MTCH1: variants seen among roughly 807,000 people sequenced by gnomAD.
MTCH1 encodes mitochondrial carrier 1.
MTCH1 carries 23 observed loss-of-function variants against 49.3 expected under a neutral mutation model. That is an observed-to-expected ratio of 0.47 (90% confidence interval 0.34 to 0.66). MTCH1 has a LOEUF of 0.66. MTCH1 is among the 30% of genes least tolerant of loss of function. The pLI is 0.01. For synonymous variants in MTCH1, 229 were observed against 215.2 expected, an observed-to-expected ratio of 1.06 and a Z score of -0.56; for missense variants, 397 against 532.1, an observed-to-expected ratio of 0.75 and a Z score of 2.50.
intron 2 of MTCH1, 139 bp downstream of exon 2, chr6:36,981,449 C>T (rs772018317): frequency 3.1e-5 from 23 of 730,558 alleles, no homozygotes; most frequent in South Asian, 5.5e-5. Context: ...TCTCTGTACA[C>T]GCTTAGATCC....
chr6:36,977,569 C>T lies in MTCH1; in HGVS notation c.649+65G>A, dbSNP rs1583259225. The T allele has an allele frequency of 1.1e-5, 13 of 1,145,058 alleles. No individual in the cohort carries two copies. Among genetic ancestry groups the T allele is most frequent in the East Asian group, 7.6e-5 (3 of 39,656 alleles). The allele number at this position is 1,145,058 out of a possible 1,614,324, so 70.9% of individuals were successfully genotyped here. On this transcript the variant is annotated intron_variant, in intron 5 of 11. Transcript: ENST00000373627. This position sits in a 1 kb window ranked among gnomAD's most constrained non-coding sequence, Gnocchi z 5.4. ...TGTCTATGTACAGTCCACGAGGGGG[C>T]GCCCCTCACCCCACGCCCCCGACGC...
chr6:36,977,977 G>A lies in MTCH1; in HGVS notation c.591+101C>T. ...ACCATCCCACCCATGCATACACAAG[G>A]ACCCAACTCTTCGACTTGTCAATGA... On this transcript the variant is annotated intron_variant, in intron 4 of 11. Transcript: ENST00000373627. The surrounding 1 kb of genome is among the most constrained non-coding windows in gnomAD (Gnocchi z 5.4). The A allele has an allele frequency of 9.3e-7, 1 of 1,078,800 alleles. No homozygotes were observed. The highest frequency in any genetic ancestry group is 1.4e-6 in the Non-Finnish European group (1 of 699,390). 66.8% of individuals were successfully genotyped at this position (1,078,800 alleles called of 1,614,324 possible).
chr6:36,978,875 C>CTTTTTTTT (rs11322816), intron 2 of MTCH1, among the ~76,000 whole-genome samples: 11 of 100,420 alleles, frequency 1.1e-4, no homozygotes, highest in Admixed American at 1.2e-4. Context: ...TCCCTCCCTC[C>CTTTTTTTT]TTTTTTTTTT....
intron 2 of MTCH1, among the ~76,000 whole-genome samples, chr6:36,981,359 G>GGCTGGCA (rs1005359347): frequency 3.5e-4 from 54 of 152,244 alleles, no homozygotes; most frequent in African/African-American, 1.3e-3. Context: ...CTGCTGTCTG[G>GGCTGGCA]GCTGGCAGCT....
upstream of MTCH1, chr6:36,986,323 C>G (rs1238612593): frequency 1.4e-6 from 1 of 722,060 alleles, no homozygotes; most frequent in African/African-American, 1.9e-5. Context: ...TGTGGCTCCC[C>G]GGCCGGTTGG....
In MTCH1 at chr6:36,982,332, T is replaced by C. The variant is rs902322911; in HGVS notation, c.322-660A>G. On this transcript the variant is annotated intron_variant, in intron 1 of 11. Coordinates refer to ENST00000373627, the MANE Select transcript of MTCH1 (RefSeq NM_001271641.2). The surrounding 1 kb of genome is among the most constrained non-coding windows in gnomAD (Gnocchi z 4.1). ...CGACCCCCTCATTTCTGTAGGGCTA[T>C]GATAGTTCTTGCTGTACAGATGCTT... Among the ~76,000 whole-genome samples, 15 of 152,202 alleles carry C rather than the reference T, an allele frequency of 9.9e-5. No individual in the cohort carries two copies. The highest frequency in any genetic ancestry group is 7.3e-5 in the Non-Finnish European group (5 of 68,034).
chr6:36,982,746 C>G lies in MTCH1; in HGVS notation c.322-1074G>C, dbSNP rs1485202322. 6.6e-6 allele frequency among the ~76,000 whole-genome samples: 1 copy of G among 152,192 alleles called. No homozygotes were observed. The highest frequency in any genetic ancestry group is 6.5e-5 in the Admixed American group (1 of 15,282). On this transcript the variant is annotated intron_variant, in intron 1 of 11. Transcript: ENST00000373627. The surrounding 1 kb of genome is among the most constrained non-coding windows in gnomAD (Gnocchi z 4.1). Reference sequence around the variant, plus strand: ...GGACCATCCATATCCATGTGAGGAGCAGGAAGTCTCTGTCGAGGGGTGAGA... The same window carrying G: ...GGACCATCCATATCCATGTGAGGAGGAGGAAGTCTCTGTCGAGGGGTGAGA...
Position 36,986,033 on chromosome 6 carries a change from G to C in MTCH1, c.141C>G (p.His47Gln). ...EARARDPPPAHRAHPRHPRPA... is the reference protein window; with the variant it reads ...EARARDPPPAQRAHPRHPRPA... ...GCCGAGGGTGGCGAGGATGTGCGCG[G>C]TGCGCGGGCGGTGGATCGCGAGCTC... The change falls in exon 1 of 12, where the codon CAC (histidine) becomes CAG (glutamine). Residue 47 changes from histidine (H) to glutamine (Q), a missense_variant. This residue lies in a region of MTCH1 where 145 missense variants were observed against 143.8 expected (regional missense o/e 1.01). Coordinates refer to ENST00000373627, the MANE Select transcript of MTCH1 (RefSeq NM_001271641.2). 1 of 1,496,966 alleles carries C rather than the reference G, an allele frequency of 6.7e-7. No individual in the cohort carries two copies. The highest frequency in any genetic ancestry group is 2.9e-5 in the East Asian group (1 of 34,870). The allele number at this position is 1,496,966 out of a possible 1,614,324, so 92.7% of individuals were successfully genotyped here. A position where few individuals can be genotyped will look rare whatever the true frequency, so the allele number is the denominator to read the frequency against.
chr6:36,970,191 T>C (rs564872625), intron 10 of MTCH1, 77 bp from the exon 11 acceptor site: 1 of 1,525,818 alleles, frequency 6.6e-7, no homozygotes, highest in Non-Finnish European at 9.0e-7. Context: ...CAAGAAGGAA[T>C]GCCTTCAGGC....
chr6:36,979,610 T>C (rs9470449), intron 2 of MTCH1, among the ~76,000 whole-genome samples: 11,419 of 152,202 alleles, frequency 0.075, 522 homozygotes, highest in Middle Eastern at 0.2. Flanking sequence ...TGAGAACACC[T>C]GTTACCTGTA....
chr6:36,977,587 C>G lies in MTCH1; in HGVS notation c.649+47G>C. On this transcript the variant is annotated intron_variant, in intron 5 of 11. Transcript: ENST00000373627. The surrounding 1 kb of genome is among the most constrained non-coding windows in gnomAD (Gnocchi z 5.4). ...GAGGGGGCGCCCCTCACCCCACGCC[C>G]CCGACGCCAGCTTAGATACAGTCTC... is the stretch of plus-strand genomic sequence containing the variant. 1 of 1,427,030 alleles carries G rather than the reference C, an allele frequency of 7.0e-7. No homozygotes were observed. The highest frequency in any genetic ancestry group is 1.2e-5 in the South Asian group (1 of 82,162). The allele number at this position is 1,427,030 out of a possible 1,614,324, so 88.4% of individuals were successfully genotyped here.
At chr6:36,985,487 C>A (rs1764265766) in intron 1 of MTCH1, among the ~76,000 whole-genome samples, 1 of 152,062 alleles carries the variant, frequency 6.6e-6, no homozygotes. Flanking sequence ...CTTCCCTCGC[C>A]CCAAATTCGC....
At chr6:36,976,666 C>T in intron 6 of MTCH1, 1 of 453,200 alleles carries the variant, frequency 2.2e-6, no homozygotes, top group Non-Finnish European at 4.6e-6. Flanking sequence ...GTGTGTCCTT[C>T]ACACATGCCT....
chr6:36,970,738 G>A (rs1358342251), intron 8 of MTCH1, 44 bp from the exon 9 acceptor site: 4 of 1,597,532 alleles, frequency 2.5e-6, no homozygotes, highest in Non-Finnish European at 3.4e-6. Context: ...AGGCACCTCA[G>A]GATGCAGACT....
Position 36,985,919 on chromosome 6 carries a change from G to A in MTCH1, c.255C>T (p.Phe85=). Residue 85 remains phenylalanine, a synonymous_variant, in exon 1 of 12, where the codon TTC becomes TTT. Coordinates refer to ENST00000373627, the MANE Select transcript of MTCH1 (RefSeq NM_001271641.2). The part of the protein sequence containing the change: ...GDNAPTTEAL[F]VALGAGVTAL... ...CCGTCACGCCCGCGCCCAGTGCCAC[G>A]AAAAGAGCCTCAGTGGTCGGGGCGT... The A allele has an allele frequency of 6.4e-7, 1 of 1,555,724 alleles. No homozygotes were observed.
At chr6:36,970,546 C>T (rs1013800631) in intron 9 of MTCH1, 73 bp from the exon 10 acceptor site, 1 of 1,607,408 alleles carries the variant, frequency 6.2e-7, no homozygotes, top group African/African-American at 1.3e-5. Flanking sequence ...ACGCCAACAC[C>T]CTGTACCAAG....
rs1168556265 is a variant in MTCH1, at chr6:36,986,070, C to CCCGCCGCCGCT, written c.93_103dup (p.Gly35GlufsTer62). The CCCGCCGCCGCT allele has an allele frequency of 6.9e-7, 1 of 1,441,328 alleles. No individual in the cohort carries two copies. The highest frequency in any genetic ancestry group is 3.0e-5 in the Admixed American group (1 of 33,814). The allele number at this position is 1,441,328 out of a possible 1,614,324, so 89.3% of individuals were successfully genotyped here. ...TGGATCGCGAGCTCGAGCCTCGACC[C>CCCGCCGCCGCT]CCGCCGCCGCTCCGCCGCGAGCTCC... On this transcript the variant is annotated frameshift_variant, in exon 1 of 12. Coordinates refer to ENST00000373627, the MANE Select transcript of MTCH1 (RefSeq NM_001271641.2). LOFTEE classifies it high-confidence loss of function.
rs1257829869 is a variant in MTCH1, at chr6:36,982,740, G to A, written c.322-1068C>T. Among the ~76,000 whole-genome samples, 1 of 152,230 alleles carries A rather than the reference G, an allele frequency of 6.6e-6. No individual in the cohort carries two copies. The highest frequency in any genetic ancestry group is 2.4e-5 in the African/African-American group (1 of 41,462). On this transcript the variant is annotated intron_variant, in intron 1 of 11. Transcript: ENST00000373627. This position sits in a 1 kb window ranked among gnomAD's most constrained non-coding sequence, Gnocchi z 4.1. Reference sequence around the variant, plus strand: ...GGTGAAGGACCATCCATATCCATGTGAGGAGCAGGAAGTCTCTGTCGAGGG... The same window carrying A: ...GGTGAAGGACCATCCATATCCATGTAAGGAGCAGGAAGTCTCTGTCGAGGG...
Position 36,986,187 on chromosome 6 carries a change from G to T in MTCH1, c.-14C>A, listed in dbSNP as rs1764312596. The T allele has an allele frequency of 1.1e-5, 16 of 1,423,516 alleles. No homozygotes were observed. Among genetic ancestry groups the T allele is most frequent in the Admixed American group, 3.4e-5 (1 of 29,836 alleles). 88.2% of individuals were successfully genotyped at this position (1,423,516 alleles called of 1,614,324 possible). Reference sequence around the variant, plus strand: ...CGAAGCTCCCATGGCGCCCGGCGGCGAGGTCACTCCCCGTCACGTGACGGG... The same window carrying T: ...CGAAGCTCCCATGGCGCCCGGCGGCTAGGTCACTCCCCGTCACGTGACGGG... On this transcript the variant is annotated 5_prime_UTR_variant, in exon 1 of 12. Transcript: ENST00000373627.
Sources: allele counts gnomAD v4.1 joint callset (sites outside exome capture counted in the v4.1 genomes callset), GRCh38; gene constraint gnomAD v4.1.1; regional missense constraint gnomAD v4.1.1; non-coding constraint Gnocchi (gnomAD v3.1); transcripts MANE v1.5; gene names NCBI Gene and HGNC (gene_info 2026-07-23, HGNC 2026-07-21).